SLC12A9: variants seen among roughly 807,000 people sequenced by gnomAD.
SLC12A9 encodes solute carrier family 12 member 9, also known as CCC-interacting protein 1.
A neutral mutation model predicts 66.0 loss-of-function variants in SLC12A9; 55 were observed. The observed-to-expected ratio is 0.83, with a 90% CI of 0.67 to 1.04. SLC12A9 has a LOEUF of 1.04. SLC12A9 is among the 50% of genes least tolerant of loss of function. The pLI is 0.00. For synonymous variants in SLC12A9, 577 were observed against 569.0 expected, an observed-to-expected ratio of 1.01 and a Z score of -0.20; for missense variants, 1,061 against 1,241.9, an observed-to-expected ratio of 0.85 and a Z score of 2.19.
chr7:100,848,364 C>T (rs992468167), upstream of SLC12A9, among the ~76,000 whole-genome samples: 2 of 151,752 alleles, frequency 1.3e-5, no homozygotes, highest in African/African-American at 4.8e-5. Context: ...ATTAGCCAGG[C>T]ATGGGTGCAT....
chr7:100,862,849 G>C (rs564874723), intron 13 of SLC12A9, 22 bp downstream of exon 13: 1 of 1,613,276 alleles, frequency 6.2e-7, no homozygotes, highest in South Asian at 1.1e-5. Context: ...CTCCCTGGAT[G>C]CCCTCGGCCT....
rs751727205 is a variant in SLC12A9, at chr7:100,860,043, G to T, written c.1135+1G>T. On this transcript the variant is annotated splice_donor_variant, in intron 8 of 13. Transcript: ENST00000354161. LOFTEE classifies it high-confidence loss of function. ...GCCCTGGCCCGGGATGACCTCTTTG[G>T]TGGGTTCTCTGCCTCCTTGCTGGCT... 6.2e-7 allele frequency: 1 copy of T among 1,614,106 alleles called. No homozygotes were observed. The highest frequency in any genetic ancestry group is 8.5e-7 in the Non-Finnish European group (1 of 1,180,010).
In SLC12A9 at chr7:100,864,538, A is replaced by G. The variant is rs369342715; in HGVS notation, c.1859-1181A>G. On this transcript the variant is annotated intron_variant, in intron 13 of 13. Transcript: ENST00000354161. ...GGTCTCTGCGTCTCCCTGTAAACTC[A>G]GCAATTATCCGATTCCACAAGGGTT... Among the ~76,000 whole-genome samples, 7 of 36,906 alleles carry G rather than the reference A, an allele frequency of 1.9e-4. No individual in the cohort carries two copies. The East Asian group carries it at 0.031, about 162-fold the overall frequency. 24.2% of individuals were successfully genotyped at this position (36,906 alleles called of 152,430 possible).
chr7:100,856,515 C>CT (rs759252930), intron 4 of SLC12A9: 1,413 of 90,856 alleles, frequency 0.016, 1 homozygote, highest in Middle Eastern at 0.057. Flanking sequence ...GCCCCTTCTT[C>CT]TTTTTTTTTT....
At chr7:100,859,307 A>G (rs1372894134) in intron 7 of SLC12A9, 146 bp downstream of exon 7, 3 of 723,360 alleles carry the variant, frequency 4.1e-6, no homozygotes, top group Non-Finnish European at 7.1e-6. Flanking sequence ...ACCTATAGCC[A>G]GCAGCTGCCA....
chr7:100,860,834 C>T, intron 9 of SLC12A9: 1 of 467,710 alleles, frequency 2.1e-6, no homozygotes, highest in South Asian at 1.9e-5. Context: ...TTCACTGACA[C>T]TTTGGGGGTA....
In SLC12A9 at chr7:100,859,912, C is replaced by G. The variant is rs1814638852; in HGVS notation, c.1005C>G (p.Phe335Leu). The G allele has an allele frequency of 6.2e-7, 1 of 1,606,802 alleles. No homozygotes were observed. The highest frequency in any genetic ancestry group is 8.5e-7 in the Non-Finnish European group (1 of 1,173,832). Residue 335 changes from phenylalanine to leucine, a missense_variant, in exon 8 of 14, where the codon TTC becomes TTG. Transcript: ENST00000354161. ...DRTLLQEDYG[F>L]FRAISLWPPL... Reference sequence around the variant, plus strand: ...CCCTGCTGCAGGAAGACTATGGGTTCTTCCGCGCCATCAGCCTGTGGCCCC... The same window carrying G: ...CCCTGCTGCAGGAAGACTATGGGTTGTTCCGCGCCATCAGCCTGTGGCCCC...
chr7:100,861,043 A>C lies in SLC12A9; in HGVS notation c.1219-95A>C. ...CTGGCACTTTCTGGGGCTCATTGAC[A>C]CTTTGGGGTACACTGGCATTCTTTG... On this transcript the variant is annotated intron_variant, in intron 9 of 13. Coordinates refer to ENST00000354161, the MANE Select transcript of SLC12A9 (RefSeq NM_020246.4). This position sits in a 1 kb window ranked among gnomAD's most constrained non-coding sequence, Gnocchi z 5.3. 6.2e-7 allele frequency: 1 copy of C among 1,602,756 alleles called. No individual in the cohort carries two copies.
intron 13 of SLC12A9, among the ~76,000 whole-genome samples, chr7:100,863,666 C>A (rs1335338765): frequency 6.6e-6 from 1 of 152,312 alleles, no homozygotes; most frequent in Non-Finnish European, 1.5e-5. Flanking sequence ...GTGGGGCGGA[C>A]GTCTGTGGAT....
rs1813413682 is a variant in SLC12A9, at chr7:100,826,886, A to G, written n.67A>G. 8 of 1,333,630 alleles carry G rather than the reference A, an allele frequency of 6.0e-6. No homozygotes were observed. In the Middle Eastern group the frequency reaches 9.9e-4, roughly 165 times the overall value. 82.6% of individuals were successfully genotyped at this position (1,333,630 alleles called of 1,614,324 possible). A position where few individuals can be genotyped will look rare whatever the true frequency, so the allele number is the denominator to read the frequency against. On this transcript the variant is annotated non_coding_transcript_exon_variant, in exon 1 of 2. Transcript: ENST00000461016. Reference sequence around the variant, plus strand: ...GGGACTGCAGTGCCCGGGTAGGGGTAGTCAGAGGCCGGCCCCTCCACTCCG... The same window carrying G: ...GGGACTGCAGTGCCCGGGTAGGGGTGGTCAGAGGCCGGCCCCTCCACTCCG...
chr7:100,832,925 G>A (rs1245862828), intron 1 of SLC12A9, among the ~76,000 whole-genome samples: 1 of 151,782 alleles, frequency 6.6e-6, no homozygotes, highest in Admixed American at 6.6e-5. Context: ...ACAGGCGTGT[G>A]CCACCATGCC....
At chr7:100,858,281 G>T (rs1448045230) in intron 5 of SLC12A9, 1 of 152,250 alleles carries the variant, frequency 6.6e-6, no homozygotes, top group Non-Finnish European at 1.5e-5. Flanking sequence ...GCGTGGTGGC[G>T]GGCACCTGTA....
intron 7 of SLC12A9, 179 bp from the exon 8 acceptor site, chr7:100,859,706 G>A: frequency 1.4e-6 from 1 of 739,066 alleles, no homozygotes; most frequent in East Asian, 2.7e-5. Context: ...GTGAGACCTT[G>A]TCTCTTAAAA....
At position 100,855,774 on chromosome 7, in the gene SLC12A9, G is replaced by C; in HGVS notation, c.385G>C (p.Val129Leu). 1 of 1,614,110 alleles carries C rather than the reference G, an allele frequency of 6.2e-7. No homozygotes were observed. The change falls in exon 4 of 14, where the codon GTC (valine) becomes CTC (leucine). Residue 129 changes from valine to leucine, a missense_variant. Coordinates refer to ENST00000354161, the MANE Select transcript of SLC12A9 (RefSeq NM_020246.4). ...TGGGCTCATGTTCTACCTGGCTAAC[G>C]TCTGTGGCTGTGCCGTCTCCCTCCT... is the stretch of plus-strand genomic sequence containing the variant. Reference protein sequence around the residue: ...SIGLMFYLANVCGCAVSLLGL... With the variant: ...SIGLMFYLANLCGCAVSLLGL...
chr7:100,829,776 C>T (rs1045105193), intron 1 of SLC12A9, among the ~76,000 whole-genome samples: 1 of 152,232 alleles, frequency 6.6e-6, no homozygotes, highest in Non-Finnish European at 1.5e-5. Context: ...GGTCTGTAAT[C>T]TCAGCATTTT....
In SLC12A9 at chr7:100,866,709, T is replaced by A; in HGVS notation, c.*104T>A. 1 of 1,265,376 alleles carries A rather than the reference T, an allele frequency of 7.9e-7. No homozygotes were observed. Among genetic ancestry groups the A allele is most frequent in the South Asian group, 1.7e-5 (1 of 60,556 alleles). The allele number at this position is 1,265,376 out of a possible 1,614,324, so 78.4% of individuals were successfully genotyped here. A position where few individuals can be genotyped will look rare whatever the true frequency, so the allele number is the denominator to read the frequency against. The stretch of plus-strand genomic sequence containing the variant: ...GCCACTGTGGCCCGTGGCCCTGCCC[T>A]TGGGACGTGGAGCCCAGGGGAGGTT... On this transcript the variant is annotated 3_prime_UTR_variant, in exon 14 of 14. Transcript: ENST00000354161. This position sits in a 1 kb window ranked among gnomAD's most constrained non-coding sequence, Gnocchi z 7.3.
chr7:100,850,226 CTTCCTTCA>C (rs1231796199), upstream of SLC12A9, among the ~76,000 whole-genome samples: 1 of 139,526 alleles, frequency 7.2e-6, no homozygotes, highest in African/African-American at 2.8e-5. Flanking sequence ...CCCTTCTTTC[CTTCCTTCA>C]TTCCTTCCTT....
chr7:100,833,932 CAAAAAAAAAAAAAAAAA>C (rs60667059), intron 1 of SLC12A9, among the ~76,000 whole-genome samples: 7 of 63,076 alleles, frequency 1.1e-4, no homozygotes, highest in African/African-American at 5.4e-4. Flanking sequence ...GACTCTGTCT[CAAAAAAAAAAAAAAAAA>C]AAAAAAAAAA....
intron 1 of SLC12A9, among the ~76,000 whole-genome samples, chr7:100,844,535 A>C (rs1454025600): frequency 2.0e-5 from 3 of 152,220 alleles, no homozygotes; most frequent in Non-Finnish European, 4.4e-5. Flanking sequence ...ATGGCAGAAA[A>C]TAAGTACATC....
Sources: gnomAD v4.1 joint callset for allele counts (sites outside exome capture counted in the v4.1 genomes callset) on GRCh38, gnomAD v4.1.1 for gene constraint, Gnocchi (gnomAD v3.1) non-coding constraint, MANE v1.5 for transcripts, NCBI Gene and HGNC (gene_info 2026-07-23, HGNC 2026-07-21) for gene names.